The following WAPL variants were observed in gnomAD, a reference collection of about 807,000 sequenced individuals.
The protein encoded by WAPL is wings apart-like protein homolog.
Under a neutral mutation model 121.0 loss-of-function variants are expected in WAPL, and 5 were observed. The observed-to-expected ratio is 0.04, with a 90% CI of 0.02 to 0.09. The LOEUF is 0.09. WAPL is among the 10% of genes least tolerant of loss of function. The pLI is 1.00. For synonymous variants in WAPL, 480 were observed against 481.5 expected (o/e 1.00, Z 0.04); for missense variants, 999 against 1,410.8 (o/e 0.71, Z 4.68).
rs193137588 is a variant in WAPL, at chr10:86,479,317, G to C, written c.1645-5344C>G. On this transcript the variant is annotated intron_variant, in intron 4 of 18. Coordinates refer to ENST00000298767, the MANE Select transcript of WAPL (RefSeq NM_015045.5). ...TTACTGCCCAGGCTGGAGTGCAATGGTGTGATTTCGGCTCACTGTAACCTG... is the reference window on the plus strand; with the variant it reads ...TTACTGCCCAGGCTGGAGTGCAATGCTGTGATTTCGGCTCACTGTAACCTG... 1.6e-4 allele frequency among the ~76,000 whole-genome samples: 24 copies of C among 152,296 alleles called. No homozygotes were observed. In the East Asian group the frequency reaches 3.9e-3, roughly 25 times the overall value.
intron 10 of WAPL, 102 bp from the exon 11 acceptor site, chr10:86,460,598 C>G: frequency 1.2e-6 from 1 of 824,512 alleles, no homozygotes; most frequent in Non-Finnish European, 1.9e-6. Flanking sequence ...ACGCTATGAA[C>G]ATGCTGGAAC....
intron 9 of WAPL, among the ~76,000 whole-genome samples, chr10:86,466,125 AGCCACTG>A (rs1248159942): frequency 2.6e-5 from 4 of 152,180 alleles, no homozygotes; most frequent in Non-Finnish European, 4.4e-5. Context: ...CATTAAGAGC[AGCCACTG>A]GCCATGACTG....
At chr10:86,473,592 A>C (rs1589514173) in intron 5 of WAPL, among the ~76,000 whole-genome samples, 1 of 152,176 alleles carries the variant, frequency 6.6e-6, no homozygotes, top group Non-Finnish European at 1.5e-5. Context: ...TCTTGCTCTT[A>C]AACACTAAAT....
intron 2 of WAPL, among the ~76,000 whole-genome samples, chr10:86,511,115 C>T (rs537244149): frequency 3.9e-5 from 6 of 152,232 alleles, no homozygotes; most frequent in Admixed American, 1.3e-4. Flanking sequence ...AGGTGTGAGC[C>T]ACCATGCCTG....
chr10:86,508,219 C>G (rs1265430830), intron 2 of WAPL, among the ~76,000 whole-genome samples: 2 of 152,188 alleles, frequency 1.3e-5, no homozygotes, highest in Non-Finnish European at 2.9e-5. Flanking sequence ...CCCAAACCCC[C>G]CAAGTTACCC....
intron 2 of WAPL, among the ~76,000 whole-genome samples, chr10:86,501,223 G>A (rs1197595942): frequency 1.3e-5 from 2 of 152,142 alleles, no homozygotes; most frequent in East Asian, 3.8e-4. Context: ...CTGTCCATAG[G>A]ATCAGGTTTC....
chr10:86,511,130 A>G (rs1180435715), intron 2 of WAPL, among the ~76,000 whole-genome samples: 1 of 152,136 alleles, frequency 6.6e-6, no homozygotes, highest in Non-Finnish European at 1.5e-5. Flanking sequence ...TGCCTGGCCC[A>G]TCATTCTTAT....
chr10:86,446,612 C>T (rs1849626591), intron 15 of WAPL, among the ~76,000 whole-genome samples, 163 bp from the exon 16 acceptor site: 1 of 152,172 alleles, frequency 6.6e-6, no homozygotes, highest in Non-Finnish European at 1.5e-5. Context: ...CTACACCCTA[C>T]TGAAAGCCAA....
intron 11 of WAPL, among the ~76,000 whole-genome samples, 188 bp from the exon 12 acceptor site, chr10:86,459,253 A>G (rs1229116102): frequency 6.6e-6 from 1 of 152,236 alleles, no homozygotes; most frequent in Non-Finnish European, 1.5e-5. Flanking sequence ...TTATGAAAAA[A>G]TTAAGACATC....
intron 9 of WAPL, among the ~76,000 whole-genome samples, chr10:86,466,665 G>T (rs1276532031): frequency 1.5e-5 from 2 of 136,416 alleles, no homozygotes; most frequent in African/African-American, 5.6e-5. Context: ...GAAATCCATG[G>T]AGAATAAGAA....
chr10:86,451,290 C>T (rs1840970884), intron 15 of WAPL, among the ~76,000 whole-genome samples: 1 of 151,582 alleles, frequency 6.6e-6, no homozygotes, highest in African/African-American at 2.4e-5. Context: ...GGTAACAATG[C>T]TTAAGGAGTG....
At chr10:86,454,366 C>G (rs1564565423) in intron 12 of WAPL, among the ~76,000 whole-genome samples, 1 of 151,942 alleles carries the variant, frequency 6.6e-6, no homozygotes. Flanking sequence ...CTCGCTCTCC[C>G]TCTCCCTCTC....
intron 17 of WAPL, among the ~76,000 whole-genome samples, chr10:86,442,484 T>C (rs1849494208): frequency 6.6e-6 from 1 of 152,226 alleles, no homozygotes; most frequent in South Asian, 2.1e-4. Context: ...AAGCACTGAC[T>C]AGCTTGTTTT....
chr10:86,436,765 GCCT>G lies in WAPL; in HGVS notation c.*775_*777del, dbSNP rs1396495285. On this transcript the variant is annotated 3_prime_UTR_variant, in exon 19 of 19. Transcript: ENST00000298767. ...AAACTACCCTGGGTTTGACTATTTT[GCCT>G]CCTCCTTTTAACAGGGCACATCATC... The G allele has an allele frequency of 6.6e-6, 1 of 152,532 alleles. No homozygotes were observed. Among genetic ancestry groups the G allele is most frequent in the Admixed American group, 6.6e-5 (1 of 15,264 alleles). The allele number at this position is 152,532 out of a possible 1,614,324, so 9.4% of individuals were successfully genotyped here.
chr10:86,498,864 C>A (rs1266160972), intron 3 of WAPL, among the ~76,000 whole-genome samples: 1 of 152,196 alleles, frequency 6.6e-6, no homozygotes, highest in Admixed American at 6.5e-5. Flanking sequence ...ATTAAATTTC[C>A]ACAGTTAAGA....
intron 4 of WAPL, among the ~76,000 whole-genome samples, chr10:86,492,217 C>T (rs1331902911): frequency 6.6e-6 from 1 of 152,118 alleles, no homozygotes; most frequent in Admixed American, 6.6e-5. Context: ...ATGGAGACAG[C>T]TGGAAGAAGG....
chr10:86,460,615 G>GAA, intron 10 of WAPL, 119 bp from the exon 11 acceptor site: 1 of 699,448 alleles, frequency 1.4e-6, no homozygotes, highest in East Asian at 2.9e-5. Flanking sequence ...GAACCTCTCT[G>GAA]AACATTTTTT....
chr10:86,490,133 G>A (rs1465027730), intron 4 of WAPL, among the ~76,000 whole-genome samples: 1 of 151,808 alleles, frequency 6.6e-6, no homozygotes, highest in Non-Finnish European at 1.5e-5. Context: ...AGAATTGCTT[G>A]TACCTAGGAG....
chr10:86,508,756 TTC>T (rs1842398351), intron 2 of WAPL, among the ~76,000 whole-genome samples: 1 of 70,500 alleles, frequency 1.4e-5, no homozygotes, highest in South Asian at 5.8e-4. Flanking sequence ...GTATTGAAAG[TTC>T]TTTTTTTTTT....
Sources: allele counts gnomAD v4.1 joint callset (sites outside exome capture counted in the v4.1 genomes callset), GRCh38; gene constraint gnomAD v4.1.1; transcripts MANE v1.5; gene names NCBI Gene and HGNC (gene_info 2026-07-23, HGNC 2026-07-21).